ZNF341: variants seen among roughly 807,000 people sequenced by gnomAD.
ZNF341 encodes zinc finger protein 341.
A neutral mutation model predicts 87.7 loss-of-function variants in ZNF341; 52 were observed. That is an observed-to-expected ratio of 0.59 (90% CI 0.47 to 0.75). ZNF341 has a LOEUF of 0.75. Among genes scored for constraint, ZNF341 ranks in the 30% least tolerant of loss-of-function variants. ZNF341 has a pLI of 0.00. For synonymous variants in ZNF341, 459 were observed against 472.7 expected (o/e 0.97, Z 0.38); for missense variants, 977 against 1,145.9 (o/e 0.85, Z 2.13).
intron 8 of ZNF341, among the ~76,000 whole-genome samples, chr20:33,764,561 A>ATATATATATATATATATATTT (rs1266929824): frequency 3.5e-5 from 1 of 28,412 alleles, no homozygotes. Flanking sequence ...ATATATATAT[A>ATATATATATATATATATATTT]TTTTTTTTTT....
At chr20:33,783,659 C>A (rs576805117) in intron 11 of ZNF341, 73 bp from the exon 12 acceptor site, 77 of 1,605,736 alleles carry the variant, frequency 4.8e-5, no homozygotes, top group Admixed American at 2.5e-4. Context: ...AAACGAGGAA[C>A]CTTTGAGTTC....
chr20:33,764,244 G>T (rs2019352020), intron 8 of ZNF341, among the ~76,000 whole-genome samples: 1 of 149,760 alleles, frequency 6.7e-6, no homozygotes, highest in Non-Finnish European at 1.5e-5. Context: ...AGCCAGGATG[G>T]TCTCCATCTC....
intron 4 of ZNF341, among the ~76,000 whole-genome samples, chr20:33,750,154 C>G (rs2122656299): frequency 6.6e-6 from 1 of 152,232 alleles, no homozygotes; most frequent in African/African-American, 2.4e-5. Context: ...TGACCATCTC[C>G]CTTTGTTGTC....
At chr20:33,770,388 G>C in intron 10 of ZNF341, 96 bp downstream of exon 10, 1 of 1,250,450 alleles carries the variant, frequency 8.0e-7, no homozygotes, top group Non-Finnish European at 1.1e-6. Flanking sequence ...CTTAGGACCA[G>C]TGAGATATTT....
At chr20:33,753,464 G>A in intron 5 of ZNF341, 41 bp downstream of exon 5, 2 of 1,526,948 alleles carry the variant, frequency 1.3e-6, no homozygotes, top group Non-Finnish European at 1.8e-6. Flanking sequence ...ACTGGTCATG[G>A]ACATCATGGC....
At chr20:33,735,179 T>C (rs2018653051) in intron 1 of ZNF341, among the ~76,000 whole-genome samples, 1 of 151,158 alleles carries the variant, frequency 6.6e-6, no homozygotes, top group Admixed American at 6.6e-5. Flanking sequence ...TACAGGCGCT[T>C]ACCACCACGC....
chr20:33,770,467 T>C (rs1251260743), intron 10 of ZNF341, among the ~76,000 whole-genome samples, 175 bp downstream of exon 10: 2 of 151,928 alleles, frequency 1.3e-5, no homozygotes, highest in African/African-American at 2.4e-5. Flanking sequence ...TTGGCACTGG[T>C]GGAAGAAAGG....
At chr20:33,748,805 C>A in intron 3 of ZNF341, 118 bp from the exon 4 acceptor site, 1 of 991,364 alleles carries the variant, frequency 1.0e-6, no homozygotes, top group Non-Finnish European at 1.5e-6. Context: ...ATCTTTTGTG[C>A]CATGCCCTCG....
intron 3 of ZNF341, 132 bp downstream of exon 3, chr20:33,745,431 G>A (rs1211843497): frequency 1.0e-5 from 9 of 858,976 alleles, no homozygotes; most frequent in Non-Finnish European, 1.6e-5. Flanking sequence ...GGGGCGAGAT[G>A]GATGGTGCAC....
In ZNF341 at chr20:33,766,930, G is replaced by C. The variant is rs371656797; in HGVS notation, c.1302G>C (p.Glu434Asp). The change falls in exon 9 of 15, where the codon GAG becomes GAC. Residue 434 changes from glutamate to aspartate, a missense_variant. Glu to Asp is a conservative substitution (Grantham distance 45). Around this residue, in one of 3 missense-constraint regions of ZNF341, gnomAD observed 515 missense variants for 598.2 expected, o/e 0.86. Coordinates refer to ENST00000375200, the MANE Select transcript of ZNF341 (RefSeq NM_001282933.2). ...GTGAGGAAGAGGGGGACAAGCCGGAGTCCAAGCAGGTGGTCCTCATCGACA... is the reference window on the plus strand; with the variant it reads ...GTGAGGAAGAGGGGGACAAGCCGGACTCCAAGCAGGTGGTCCTCATCGACA... ...TAGEEEGDKP[E>D]SKQVVLIDSS... 1 of 1,614,204 alleles carries C rather than the reference G, an allele frequency of 6.2e-7. No homozygotes were observed. Among genetic ancestry groups the C allele is most frequent in the African/African-American group, 1.3e-5 (1 of 75,060 alleles).
intron 4 of ZNF341, among the ~76,000 whole-genome samples, chr20:33,750,490 T>C (rs2019032606): frequency 6.6e-6 from 1 of 152,068 alleles, no homozygotes; most frequent in Non-Finnish European, 1.5e-5. Flanking sequence ...TGAGACAGCG[T>C]CTCACTCAGG....
In ZNF341 at chr20:33,758,823, A is replaced by G. The variant is rs758230851; in HGVS notation, c.1028+17A>G. 4 of 1,611,430 alleles carry G rather than the reference A, an allele frequency of 2.5e-6. No homozygotes were observed. Among genetic ancestry groups the G allele is most frequent in the African/African-American group, 2.7e-5 (2 of 74,884 alleles). On this transcript the variant is annotated intron_variant, in intron 7 of 14. Transcript: ENST00000375200. ...CATCCGAAGGTACACATGCGTGGTGAGGCAGGTGGCTCCTGGGCAGGTGTG... is the reference window on the plus strand; with the variant it reads ...CATCCGAAGGTACACATGCGTGGTGGGGCAGGTGGCTCCTGGGCAGGTGTG...
chr20:33,739,848 T>A (rs2018764938), intron 1 of ZNF341, among the ~76,000 whole-genome samples: 1 of 151,980 alleles, frequency 6.6e-6, no homozygotes, highest in African/African-American at 2.4e-5. Context: ...TACAAGGTTC[T>A]CAGAGGCCCA....
intron 8 of ZNF341, among the ~76,000 whole-genome samples, chr20:33,763,539 T>C (rs1043725630): frequency 1.3e-5 from 2 of 152,140 alleles, no homozygotes; most frequent in African/African-American, 4.8e-5. Flanking sequence ...CCTCAAGTAA[T>C]CCACCCACCT....
chr20:33,733,681 C>T (rs1266264094), intron 1 of ZNF341, among the ~76,000 whole-genome samples: 2 of 152,186 alleles, frequency 1.3e-5, no homozygotes, highest in South Asian at 2.1e-4. Context: ...ACTCCCTTCA[C>T]TTCTTGAAGG....
rs57345366 is a variant in ZNF341, at chr20:33,772,010, T to TAAAAAA, written c.1622+1738_1622+1743dup. Among the ~76,000 whole-genome samples, 133 of 56,162 alleles carry TAAAAAA rather than the reference T, an allele frequency of 2.4e-3. 5 individuals carry two copies. The highest frequency in any genetic ancestry group is 9.8e-3 in the African/African-American group (127 of 12,906). 36.8% of individuals were successfully genotyped at this position (56,162 alleles called of 152,430 possible). ...GCCTGAGCGACAGAGACGCTTGTCT[T>TAAAAAA]AAAAAAAAAAAAAAAAAAAAAAAAA... On this transcript the variant is annotated intron_variant, in intron 10 of 14. Coordinates refer to ENST00000375200, the MANE Select transcript of ZNF341 (RefSeq NM_001282933.2).
At chr20:33,779,991 AAAT>A (rs1052272749) in intron 10 of ZNF341, among the ~76,000 whole-genome samples, 1 of 152,238 alleles carries the variant, frequency 6.6e-6, no homozygotes, top group East Asian at 1.9e-4. Flanking sequence ...CCAAGTAAGC[AAAT>A]AATAAATAAT....
chr20:33,781,296 T>C lies in ZNF341; in HGVS notation c.1628T>C (p.Val543Ala). The change falls in exon 11 of 15, where the codon GTC (valine) becomes GCC (alanine). Residue 543 changes from valine to alanine, a missense_variant. Around this residue, in one of 3 missense-constraint regions of ZNF341, gnomAD observed 241 missense variants for 335.0 expected, o/e 0.72. Coordinates refer to ENST00000375200, the MANE Select transcript of ZNF341 (RefSeq NM_001282933.2). ...CTCCTGCTCCTTCCACTTAGGTGTG[T>C]CAAATGTGTCAACAAATACTCCACC... ...PKKDNAVYKCVKCVNKYSTPE... is the reference protein window; with the variant it reads ...PKKDNAVYKCAKCVNKYSTPE... 6.2e-7 allele frequency: 1 copy of C among 1,613,830 alleles called. No individual in the cohort carries two copies. Among genetic ancestry groups the C allele is most frequent in the Non-Finnish European group, 8.5e-7 (1 of 1,179,790 alleles).
chr20:33,765,362 C>A (rs1601263236), intron 8 of ZNF341, among the ~76,000 whole-genome samples: 1 of 151,900 alleles, frequency 6.6e-6, no homozygotes, highest in South Asian at 2.1e-4. Context: ...TTCTTGTGAA[C>A]TCCTTTTTTT....
Sources: gnomAD v4.1 joint callset for allele counts (sites outside exome capture counted in the v4.1 genomes callset) on GRCh38, gnomAD v4.1.1 for gene constraint, gnomAD v4.1.1 regional missense constraint, MANE v1.5 for transcripts, NCBI Gene and HGNC (gene_info 2026-07-23, HGNC 2026-07-21) for gene names.